The following CDK18 variants were observed in gnomAD, a reference collection of about 807,000 sequenced individuals.
The protein encoded by CDK18 is cyclin dependent kinase 18, also known as cyclin-dependent kinase 18.
Under a neutral mutation model 62.0 loss-of-function variants are expected in CDK18, and 52 were observed. That is an observed-to-expected ratio of 0.84 (90% CI 0.67 to 1.06). The LOEUF is 1.06. CDK18 is among the 50% of genes least tolerant of loss of function. The pLI is 0.00. For missense variants in CDK18, 604 were observed against 619.9 expected (o/e 0.97, Z 0.27); for synonymous variants, 237 against 247.0 (o/e 0.96, Z 0.38).
rs397982726 is a variant in CDK18, at chr1:205,527,484, GAAAAA to G, written c.730-298_730-294del. On this transcript the variant is annotated intron_variant, in intron 8 of 15. Transcript: ENST00000429964. This position sits in a 1 kb window ranked among gnomAD's most constrained non-coding sequence, Gnocchi z 4.1. ...ACAGAGTAAAACCCTGACTCTAAAA[GAAAAA>G]AAAAAAAAAAAGGGATCAAGCACAT... The G allele has an allele frequency of 3.7e-5, 7 of 189,428 alleles. No homozygotes were observed. Among genetic ancestry groups the G allele is most frequent in the South Asian group, 8.8e-5 (1 of 11,362 alleles). 11.7% of individuals were successfully genotyped at this position (189,428 alleles called of 1,614,324 possible). A position where few individuals can be genotyped will look rare whatever the true frequency, so the allele number is the denominator to read the frequency against.
At chr1:205,514,210 G>A (rs1256650314) in intron 1 of CDK18, among the ~76,000 whole-genome samples, 2 of 152,244 alleles carry the variant, frequency 1.3e-5, no homozygotes. Context: ...ACCATCACCT[G>A]GCTGGGGACA....
Position 205,529,094 on chromosome 1 carries a change from T to C in CDK18, c.1070T>C (p.Leu357Pro), listed in dbSNP as rs1200766454. ...KEELHLIFRL[L>P]GTPTEETWPG... Reference sequence around the variant, plus strand: ...GAGCTGCACCTCATCTTTCGCCTCCTCGGTCAGTCTCCCGCTGCTCCGTCC... The same window carrying C: ...GAGCTGCACCTCATCTTTCGCCTCCCCGGTCAGTCTCCCGCTGCTCCGTCC... Residue 357 changes from leucine to proline, a missense_variant and splice_region_variant, in exon 11 of 16, where the codon CTC becomes CCC. Transcript: ENST00000429964. 1 of 1,573,886 alleles carries C rather than the reference T, an allele frequency of 6.4e-7. No homozygotes were observed. The highest frequency in any genetic ancestry group is 8.6e-7 in the Non-Finnish European group (1 of 1,159,004).
rs34804445 is a variant in CDK18, at chr1:205,526,761, GCT to G, written c.667-11_667-10del. 0.023 allele frequency: 36,797 copies of G among 1,612,174 alleles called. 493 individuals carry two copies. Among genetic ancestry groups the G allele is most frequent in the Middle Eastern group, 0.055 (336 of 6,060 alleles). On this transcript the variant is annotated splice_polypyrimidine_tract_variant and intron_variant, in intron 7 of 15. Transcript: ENST00000429964. ...TCAGCGTGGGGCAGGACTGAGCCAC[GCT>G]CTGTGTTCCAGGACAGTGACCTGAA... is the stretch of plus-strand genomic sequence containing the variant.
Position 205,528,197 on chromosome 1 carries a change from G to T in CDK18, c.974+29G>T. The T allele has an allele frequency of 6.2e-7, 1 of 1,611,672 alleles. No individual in the cohort carries two copies. Among genetic ancestry groups the T allele is most frequent in the Non-Finnish European group, 8.5e-7 (1 of 1,179,316 alleles). On this transcript the variant is annotated intron_variant, in intron 10 of 15. Coordinates refer to ENST00000429964, the MANE Select transcript of CDK18 (RefSeq NM_212502.3). The surrounding 1 kb of genome is among the most constrained non-coding windows in gnomAD (Gnocchi z 4.2). Reference sequence around the variant, plus strand: ...AGTGAGCACTGTGGGGACCGAGGAGGGGAGGACAGGCCTGGCCACACCTCC... The same window carrying T: ...AGTGAGCACTGTGGGGACCGAGGAGTGGAGGACAGGCCTGGCCACACCTCC...
intron 15 of CDK18, 128 bp from the exon 16 acceptor site, chr1:205,531,216 G>T: frequency 1.3e-6 from 1 of 784,122 alleles, no homozygotes; most frequent in South Asian, 1.6e-5. Context: ...GGTCAGACCG[G>T]CTCCTGTTTG....
At chr1:205,515,147 C>T (rs553655257) in intron 1 of CDK18, among the ~76,000 whole-genome samples, 5 of 150,562 alleles carry the variant, frequency 3.3e-5, no homozygotes, top group African/African-American at 4.9e-5. Flanking sequence ...TGAACTTTTT[C>T]CTGAAGGCAG....
intron 1 of CDK18, 25 bp from the exon 2 acceptor site, chr1:205,523,122 G>A (rs765274752): frequency 1.3e-6 from 2 of 1,564,556 alleles, no homozygotes; most frequent in South Asian, 1.2e-5. Context: ...CTTTTCAACT[G>A]CTCTTCTCAC....
chr1:205,522,996 T>G, intron 1 of CDK18, 151 bp from the exon 2 acceptor site: 10 of 759,418 alleles, frequency 1.3e-5, no homozygotes, highest in South Asian at 1.2e-4. Context: ...CTCAGAGGGG[T>G]CAAACTTTGC....
rs553739189 is a variant in CDK18 at position 205,518,122 on chromosome 1, GCTTCTTGGGGAGGC to G, written c.-21-5017_-21-5004del. 1.4e-4 allele frequency among the ~76,000 whole-genome samples: 22 copies of G among 152,248 alleles called. No homozygotes were observed. In the South Asian group the frequency reaches 4.1e-3, roughly 29 times the overall value. Reference sequence around the variant, plus strand: ...CTGGATTTCTCCTGAGATGTCACCTGCTTCTTGGGGAGGCCTTCTTGACCACCCTACTTAAACTT... The same window carrying G: ...CTGGATTTCTCCTGAGATGTCACCTGCTTCTTGACCACCCTACTTAAACTT... On this transcript the variant is annotated intron_variant, in intron 1 of 15. Transcript: ENST00000429964.
At position 205,529,212 on chromosome 1, in the gene CDK18, C is replaced by T. The variant is rs1558786081; in HGVS notation, c.1073-112C>T. 9.1e-6 allele frequency: 12 copies of T among 1,325,394 alleles called. No homozygotes were observed. In the South Asian group the frequency reaches 1.3e-4, roughly 15 times the overall value. 82.1% of individuals were successfully genotyped at this position (1,325,394 alleles called of 1,614,324 possible). On this transcript the variant is annotated intron_variant, in intron 11 of 15. Transcript: ENST00000429964. ...CGGCCGCCTCTCTCCCGGGCGGGGA[C>T]CCCCTGTGGCCTCGGCCATCTTTGC... is the stretch of plus-strand genomic sequence containing the variant.
Position 205,532,393 on chromosome 1 carries a change from A to G in CDK18, c.*1015A>G, listed in dbSNP as rs14028. The G allele has an allele frequency of 0.3, 46,005 of 152,598 alleles. 7,173 individuals are homozygous for G. Among genetic ancestry groups the G allele is most frequent in the South Asian group, 0.47 (2,282 of 4,808 alleles). The allele number at this position is 152,598 out of a possible 1,614,324, so 9.5% of individuals were successfully genotyped here. Reference sequence around the variant, plus strand: ...CACAGCCTCCCCATCCTTCCTTCCCAGCCCTTGTGGCTCTGTCCACCTGAT... The same window carrying G: ...CACAGCCTCCCCATCCTTCCTTCCCGGCCCTTGTGGCTCTGTCCACCTGAT... On this transcript the variant is annotated 3_prime_UTR_variant, in exon 16 of 16. Coordinates refer to ENST00000429964, the MANE Select transcript of CDK18 (RefSeq NM_212502.3).
intron 11 of CDK18, 54 bp downstream of exon 11, chr1:205,529,150 C>G: frequency 6.8e-7 from 1 of 1,476,836 alleles, no homozygotes; most frequent in South Asian, 1.2e-5. Flanking sequence ...CGGAACTCCT[C>G]CAGCCCAGGC....
chr1:205,512,998 G>T (rs1361635504), intron 1 of CDK18, among the ~76,000 whole-genome samples: 1 of 152,156 alleles, frequency 6.6e-6, no homozygotes, highest in African/African-American at 2.4e-5. Flanking sequence ...CGGGATATCT[G>T]GCTGAGAGAG....
chr1:205,510,958 C>T (rs1212808596), intron 1 of CDK18, among the ~76,000 whole-genome samples: 32 of 152,228 alleles, frequency 2.1e-4, no homozygotes, highest in Non-Finnish European at 7.3e-5. Flanking sequence ...GTACCTGGTC[C>T]CTGCCATGCT....
Position 205,527,707 on chromosome 1 carries a change from C to T in CDK18, c.730-87C>T. On this transcript the variant is annotated intron_variant, in intron 8 of 15. Coordinates refer to ENST00000429964, the MANE Select transcript of CDK18 (RefSeq NM_212502.3). The surrounding 1 kb of genome is among the most constrained non-coding windows in gnomAD (Gnocchi z 4.1). ...GAGGGGCTTGTGCTGACCTCACTGC[C>T]AAGCCCCTGCCCCCATCCTGGTCCC... is the stretch of plus-strand genomic sequence containing the variant. 1 of 1,338,178 alleles carries T rather than the reference C, an allele frequency of 7.5e-7. No individual in the cohort carries two copies. The allele number at this position is 1,338,178 out of a possible 1,614,324, so 82.9% of individuals were successfully genotyped here.
At chr1:205,514,327 G>C (rs1036048365) in intron 1 of CDK18, among the ~76,000 whole-genome samples, 2 of 152,108 alleles carry the variant, frequency 1.3e-5, no homozygotes, top group Non-Finnish European at 2.9e-5. Flanking sequence ...ACCAATCCCT[G>C]TATTCCTGTT....
At chr1:205,518,507 G>A (rs868358621) in intron 1 of CDK18, among the ~76,000 whole-genome samples, 11 of 152,352 alleles carry the variant, frequency 7.2e-5, no homozygotes, top group Middle Eastern at 3.4e-3. Context: ...GGAGAAAACA[G>A]TCAAGCCTGG....
chr1:205,528,924 G>C lies in CDK18; in HGVS notation c.975-75G>C. 1 of 960,820 alleles carries C rather than the reference G, an allele frequency of 1.0e-6. No individual in the cohort carries two copies. The highest frequency in any genetic ancestry group is 1.6e-6 in the Non-Finnish European group (1 of 637,458). The allele number at this position is 960,820 out of a possible 1,614,324, so 59.5% of individuals were successfully genotyped here. ...CAGCCGCCTGTGGCAGGTCGTCATT[G>C]GTGCCCTGGTGGAGCAGCCCTAGGA... On this transcript the variant is annotated intron_variant, in intron 10 of 15. Transcript: ENST00000429964. This position sits in a 1 kb window ranked among gnomAD's most constrained non-coding sequence, Gnocchi z 4.2.
chr1:205,529,795 A>G, intron 13 of CDK18: 2 of 1,446,332 alleles, frequency 1.4e-6, no homozygotes, highest in Non-Finnish European at 1.9e-6. Context: ...TGGGCAAGTT[A>G]CAGAGCTCCT....
Sources: allele counts gnomAD v4.1 joint callset (sites outside exome capture counted in the v4.1 genomes callset), GRCh38; gene constraint gnomAD v4.1.1; non-coding constraint Gnocchi (gnomAD v3.1); transcripts MANE v1.5; gene names NCBI Gene and HGNC (gene_info 2026-07-23, HGNC 2026-07-21).